Variants in THOC2 observed in about 807,000 individuals in gnomAD.
THOC2 encodes THO complex subunit 2.
Under a neutral mutation model 128.4 loss-of-function variants are expected in THOC2, and 10 were observed. The observed-to-expected ratio is 0.08, with a 90% CI of 0.05 to 0.13. The LOEUF (loss-of-function observed/expected upper bound fraction) is 0.13. Among genes scored for constraint, THOC2 ranks in the 10% least tolerant of loss-of-function variants. The pLI is 1.00. For missense variants in THOC2, 535 were observed against 1,155.7 expected (o/e 0.46, Z 7.79); for synonymous variants, 393 against 396.9 (o/e 0.99, Z 0.12).
At chrX:123,607,611 T>G (rs1254677983) in intron 38 of THOC2, among the ~76,000 whole-genome samples, 1 of 110,040 alleles carries the variant, frequency 9.1e-6, no homozygotes, top group African/African-American at 3.3e-5. Flanking sequence ...GCCTTGTATC[T>G]TAATTCTAAT....
At chrX:123,659,853 T>C (rs1254300523) in intron 12 of THOC2, among the ~76,000 whole-genome samples, 2 of 112,114 alleles carry the variant, frequency 1.8e-5, no homozygotes, top group Non-Finnish European at 3.8e-5. Context: ...AGAAGTGTAA[T>C]TGTAAATACA....
rs755160243 is a variant in THOC2 at position 123,667,114 on chromosome X, G to C, written c.1182C>G (p.Leu394=). The C allele has an allele frequency of 1.7e-6, 2 of 1,183,063 alleles. No homozygotes were observed. Among genetic ancestry groups the C allele is most frequent in the South Asian group, 3.8e-5 (2 of 51,954 alleles). The stretch of plus-strand genomic sequence containing the variant: ...AGTATAAAGTTACATACCTTCGGTA[G>C]AGAGGCTCAATAGTTATATGAATGA... ...CKLIHITIEP[L]YRRVGVPKGA... is the part of the protein sequence containing the mutation. Residue 394 remains leucine, a synonymous_variant, in exon 11 of 39, where the codon CTC becomes CTG. Transcript: ENST00000245838.
At chrX:123,705,943 C>A (rs1231716974) in intron 3 of THOC2, among the ~76,000 whole-genome samples, 1 of 110,772 alleles carries the variant, frequency 9.0e-6, no homozygotes, top group Non-Finnish European at 1.9e-5. Flanking sequence ...TATTTATATA[C>A]AAGTTTAAAA....
intron 34 of THOC2, 108 bp from the exon 35 acceptor site, chrX:123,613,816 C>T (rs771762567): frequency 2.0e-4 from 157 of 783,738 alleles, no homozygotes; most frequent in Non-Finnish European, 2.8e-4. Context: ...AGAGTATTTG[C>T]AGTAGTTTCA....
At position 123,611,033 on chromosome X, in the gene THOC2, A is replaced by G. The variant is rs1210632889; in HGVS notation, c.4755-70T>C. 3 of 1,042,521 alleles carry G rather than the reference A, an allele frequency of 2.9e-6. No homozygotes were observed. The African/African-American group carries it at 5.6e-5, about 19-fold the overall frequency. 85.9% of individuals were successfully genotyped at this position (1,042,521 alleles called of 1,213,427 possible). A position where few individuals can be genotyped will look rare whatever the true frequency, so the allele number is the denominator to read the frequency against. On this transcript the variant is annotated intron_variant, in intron 37 of 38. Transcript: ENST00000245838. ...AGAACAGCATCTCCCCTTTTAGTAC[A>G]GCACCTCAGGTTGCAGGCCTAAATG...
chrX:123,644,467 A>G, intron 15 of THOC2, 108 bp downstream of exon 15: 1 of 516,602 alleles, frequency 1.9e-6, no homozygotes, highest in South Asian at 4.0e-5. Context: ...TATACCATTC[A>G]CAACACATAG....
Position 123,696,034 on chromosome X carries a change from G to T in THOC2, c.588C>A (p.Ile196=). Residue 196 remains isoleucine (I), a synonymous_variant, in exon 7 of 39, where the codon ATC becomes ATA. Coordinates refer to ENST00000245838, the MANE Select transcript of THOC2 (RefSeq NM_001081550.2). ...SITSDLILEN[I]KSLIGCFNLD... ...TAAATGTCTTACCTATTAAAGATTT[G>T]ATATTTTCTAAGATTAAATCACTAG... 1 of 1,093,977 alleles carries T rather than the reference G, an allele frequency of 9.1e-7. No individual in the cohort carries two copies. Among genetic ancestry groups the T allele is most frequent in the Non-Finnish European group, 1.3e-6 (1 of 792,700 alleles). 90.2% of individuals were successfully genotyped at this position (1,093,977 alleles called of 1,213,427 possible).
At position 123,619,313 on chromosome X, in the gene THOC2, G is replaced by T. The variant is rs1284924400; in HGVS notation, c.4311+88C>A. The T allele has an allele frequency of 2.5e-5, 12 of 487,339 alleles. No homozygotes were observed. In the Admixed American group the frequency reaches 3.4e-4, roughly 14 times the overall value. 40.2% of individuals were successfully genotyped at this position (487,339 alleles called of 1,213,427 possible). A position where few individuals can be genotyped will look rare whatever the true frequency, so the allele number is the denominator to read the frequency against. ...TTTATCCCACTGATCTCAGCTTACT[G>T]AATGTACTAGGGTGAGGACATCTAC... On this transcript the variant is annotated intron_variant, in intron 33 of 38. Transcript: ENST00000245838.
chrX:123,687,081 AT>A (rs747768605), intron 7 of THOC2, among the ~76,000 whole-genome samples: 2 of 111,745 alleles, frequency 1.8e-5, no homozygotes, highest in Non-Finnish European at 3.8e-5. Flanking sequence ...AAATCAAACA[AT>A]GCATTTTACA....
Position 123,600,616 on chromosome X carries a change from T to C in THOC2, c.*741A>G. 8.9e-6 allele frequency: 1 copy of C among 112,623 alleles called. No homozygotes were observed. The highest frequency in any genetic ancestry group is 1.9e-5 in the Non-Finnish European group (1 of 53,239). 9.3% of individuals were successfully genotyped at this position (112,623 alleles called of 1,213,427 possible). The stretch of plus-strand genomic sequence containing the variant: ...TAGAAAAAAGGTTACACTGGTAGAA[T>C]TCGGCAGATAAAAAAATTCTCTTTT... On this transcript the variant is annotated 3_prime_UTR_variant, in exon 39 of 39. Transcript: ENST00000245838.
At chrX:123,656,532 A>T (rs749124251) in intron 12 of THOC2, among the ~76,000 whole-genome samples, 1 of 110,509 alleles carries the variant, frequency 9.0e-6, no homozygotes, top group South Asian at 3.9e-4. Flanking sequence ...AACATGGCGA[A>T]ACCCCGTCTC....
At chrX:123,640,329 C>T (rs1236544080) in intron 16 of THOC2, among the ~76,000 whole-genome samples, 1 of 111,382 alleles carries the variant, frequency 9.0e-6, no homozygotes, top group Non-Finnish European at 1.9e-5. Context: ...ATTATATATA[C>T]AAAATAACTA....
chrX:123,643,984 T>A (rs754173232), intron 15 of THOC2, among the ~76,000 whole-genome samples: 6 of 112,323 alleles, frequency 5.3e-5, no homozygotes, highest in African/African-American at 1.9e-4. Context: ...CAATTAAGCA[T>A]CTAAACTAAT....
intron 33 of THOC2, among the ~76,000 whole-genome samples, chrX:123,617,637 T>G (rs1439160419): frequency 8.9e-6 from 1 of 111,851 alleles, no homozygotes; most frequent in African/African-American, 3.2e-5. Context: ...CCTGTCTACC[T>G]CACAGCACTG....
At chrX:123,610,036 A>C (rs2046642717) in intron 38 of THOC2, among the ~76,000 whole-genome samples, 1 of 110,565 alleles carries the variant, frequency 9.0e-6, no homozygotes, top group Admixed American at 9.7e-5. Flanking sequence ...CTCAAAAAAA[A>C]ATAAAAATAA....
In THOC2 at chrX:123,610,982, GA is replaced by G; in HGVS notation, c.4755-20del. 8.3e-7 allele frequency: 1 copy of G among 1,204,892 alleles called. No homozygotes were observed. Among genetic ancestry groups the G allele is most frequent in the Non-Finnish European group, 1.1e-6 (1 of 891,152 alleles). ...CTTATGAGTAGATGACAAATTAAGG[GA>G]AAACAACTTTTGGGAATGGCGGAAA... On this transcript the variant is annotated intron_variant, in intron 37 of 38. Transcript: ENST00000245838.
chrX:123,636,302 CATA>C (rs2047672646), intron 18 of THOC2, 127 bp from the exon 19 acceptor site: 5 of 478,012 alleles, frequency 1.0e-5, no homozygotes, highest in South Asian at 3.6e-5. Flanking sequence ...AATGGAGCTT[CATA>C]ATAATAACAA....
At chrX:123,666,763 A>C (rs1019608767) in intron 11 of THOC2, among the ~76,000 whole-genome samples, 1 of 111,625 alleles carries the variant, frequency 9.0e-6, no homozygotes, top group Non-Finnish European at 1.9e-5. Context: ...ACACTAAGAA[A>C]AAACCTCAGG....
In THOC2 at chrX:123,640,778, T is replaced by C. The variant is rs930494130; in HGVS notation, c.1662-156A>G. Among the ~76,000 whole-genome samples the C allele has an allele frequency of 6.3e-5, 7 of 111,963 alleles. No homozygotes were observed. The Admixed American group carries it at 6.6e-4, about 11-fold the overall frequency. On this transcript the variant is annotated intron_variant, in intron 15 of 38. Transcript: ENST00000245838. Reference sequence around the variant, plus strand: ...ACTACATTCATCACATCCTTTATGGTAGGATTTGGGCTATTTTGGTTAGGG... The same window carrying C: ...ACTACATTCATCACATCCTTTATGGCAGGATTTGGGCTATTTTGGTTAGGG...
Sources: gnomAD v4.1 joint callset for allele counts (sites outside exome capture counted in the v4.1 genomes callset) on GRCh38, gnomAD v4.1.1 for gene constraint, MANE v1.5 for transcripts, NCBI Gene and HGNC (gene_info 2026-07-23, HGNC 2026-07-21) for gene names.